HSPA5: variants seen among roughly 807,000 people sequenced by gnomAD.
HSPA5 encodes endoplasmic reticulum chaperone BiP.
Under a neutral mutation model 49.5 loss-of-function variants are expected in HSPA5, and 16 were observed. That is an observed-to-expected ratio of 0.32 (90% CI 0.22 to 0.49). The LOEUF is 0.49. Among genes scored for constraint, HSPA5 ranks in the 20% least tolerant of loss-of-function variants. HSPA5 has a pLI of 0.99. For synonymous variants in HSPA5, 271 were observed against 307.2 expected (o/e 0.88, Z 1.23); for missense variants, 376 against 819.0 (o/e 0.46, Z 6.60).
Position 125,239,553 on chromosome 9 carries a change from T to G in HSPA5, c.493-20A>C. 6.4e-7 allele frequency: 1 copy of G among 1,553,122 alleles called. No homozygotes were observed. Among genetic ancestry groups the G allele is most frequent in the Non-Finnish European group, 8.9e-7 (1 of 1,124,734 alleles). ...GGTAACCTAAAAGGATAAAAGATAA[T>G]TAAGTGTATTGTCACATAGTTTAAC... On this transcript the variant is annotated intron_variant, in intron 3 of 7. Transcript: ENST00000324460. This position sits in a 1 kb window ranked among gnomAD's most constrained non-coding sequence, Gnocchi z 5.5.
rs1832497301 is a variant in HSPA5 at position 125,236,523 on chromosome 9, T to C, written c.*69A>G. ...CAATTACATTCGAGACTTAAGTTCT[T>C]TCAATTTTTTCCTAACAAAAGTTCC... On this transcript the variant is annotated 3_prime_UTR_variant, in exon 8 of 8. Coordinates refer to ENST00000324460, the MANE Select transcript of HSPA5 (RefSeq NM_005347.5). 4 of 1,133,696 alleles carry C rather than the reference T, an allele frequency of 3.5e-6. No homozygotes were observed. Among genetic ancestry groups the C allele is most frequent in the Admixed American group, 5.2e-5 (2 of 38,272 alleles). The allele number at this position is 1,133,696 out of a possible 1,614,324, so 70.2% of individuals were successfully genotyped here. A position where few individuals can be genotyped will look rare whatever the true frequency, so the allele number is the denominator to read the frequency against.
In HSPA5 at chr9:125,239,541, G is replaced by GA; in HGVS notation, c.493-9dup. Reference sequence around the variant, plus strand: ...AACAACTGCATGGGTAACCTAAAAGGATAAAAGATAATTAAGTGTATTGTC... The same window carrying GA: ...AACAACTGCATGGGTAACCTAAAAGGAATAAAAGATAATTAAGTGTATTGTC... On this transcript the variant is annotated splice_polypyrimidine_tract_variant and intron_variant, in intron 3 of 7. Coordinates refer to ENST00000324460, the MANE Select transcript of HSPA5 (RefSeq NM_005347.5). The surrounding 1 kb of genome is among the most constrained non-coding windows in gnomAD (Gnocchi z 5.5). 6.3e-7 allele frequency: 1 copy of GA among 1,582,692 alleles called. No homozygotes were observed.
Position 125,235,494 on chromosome 9 carries a change from A to G in HSPA5, c.*1098T>C, listed in dbSNP as rs1832476195. The stretch of plus-strand genomic sequence containing the variant: ...GGATTACAATATTGGATTTTATGTT[A>G]GCACCAGCCTGTCCTTTATTGATCA... On this transcript the variant is annotated 3_prime_UTR_variant, in exon 8 of 8. Transcript: ENST00000324460. The G allele has an allele frequency of 6.6e-6, 1 of 152,046 alleles. No individual in the cohort carries two copies. Among genetic ancestry groups the G allele is most frequent in the South Asian group, 2.1e-4 (1 of 4,822 alleles). 9.4% of individuals were successfully genotyped at this position (152,046 alleles called of 1,614,324 possible).
chr9:125,238,738 A>G lies in HSPA5; in HGVS notation c.1086T>C (p.Val362=), dbSNP rs1454318558. The part of the protein sequence containing the change: ...KKSDIDEIVL[V]GGSTRIPKIQ... ...TCTTTGGAATTCGAGTCGAGCCACC[A>G]ACAAGAACAATTTCATCAATATCAG... The change falls in exon 6 of 8, where the codon GTT becomes GTC. Residue 362 remains valine, a synonymous_variant. Coordinates refer to ENST00000324460, the MANE Select transcript of HSPA5 (RefSeq NM_005347.5). 2 of 1,614,220 alleles carry G rather than the reference A, an allele frequency of 1.2e-6. No homozygotes were observed. Among genetic ancestry groups the G allele is most frequent in the African/African-American group, 2.7e-5 (2 of 75,058 alleles).
chr9:125,239,007 C>G lies in HSPA5; in HGVS notation c.930G>C (p.Glu310Asp). Residue 310 changes from glutamate to aspartate, a missense_variant, in exon 5 of 8, where the codon GAG becomes GAC. Glu to Asp is a conservative substitution (Grantham distance 45). Coordinates refer to ENST00000324460, the MANE Select transcript of HSPA5 (RefSeq NM_005347.5). This position sits in a 1 kb window ranked among gnomAD's most constrained non-coding sequence, Gnocchi z 5.5. ...SSQHQARIEI[E>D]SFYEGEDFSE... The stretch of plus-strand genomic sequence containing the variant: ...AAAAGTCTTCTCCTTCATAGAAGGA[C>G]TCAATTTCAATTCTTGCTTGATGCT... 6.2e-7 allele frequency: 1 copy of G among 1,614,042 alleles called. No homozygotes were observed. Among genetic ancestry groups the G allele is most frequent in the Non-Finnish European group, 8.5e-7 (1 of 1,179,966 alleles).
chr9:125,241,237 C>T lies in HSPA5; in HGVS notation c.-111G>A, dbSNP rs1832562062. On this transcript the variant is annotated 5_prime_UTR_variant, in exon 1 of 8. The change creates a new upstream start codon in the 5' untranslated region. Coordinates refer to ENST00000324460, the MANE Select transcript of HSPA5 (RefSeq NM_005347.5). ...AGGGGCCCGGGGTCACAAGGCGCCA[C>T]GAACCAGGCGAAGGGCAGGTCTAGA... The T allele has an allele frequency of 2.3e-6, 3 of 1,311,880 alleles. No individual in the cohort carries two copies. The highest frequency in any genetic ancestry group is 2.2e-5 in the Admixed American group (1 of 44,786). The allele number at this position is 1,311,880 out of a possible 1,614,324, so 81.3% of individuals were successfully genotyped here.
chr9:125,240,611 T>G lies in HSPA5; in HGVS notation c.354+65A>C. The G allele has an allele frequency of 1.5e-6, 2 of 1,348,182 alleles. No individual in the cohort carries two copies. The highest frequency in any genetic ancestry group is 2.1e-6 in the Non-Finnish European group (2 of 948,274). 83.5% of individuals were successfully genotyped at this position (1,348,182 alleles called of 1,614,324 possible). A position where few individuals can be genotyped will look rare whatever the true frequency, so the allele number is the denominator to read the frequency against. On this transcript the variant is annotated intron_variant, in intron 2 of 7. Coordinates refer to ENST00000324460, the MANE Select transcript of HSPA5 (RefSeq NM_005347.5). The surrounding 1 kb of genome is among the most constrained non-coding windows in gnomAD (Gnocchi z 4.4). ...GTTGTCTCAACACTTTTCCAGAGAC[T>G]TATAACTCTAAATACTCCCACCACC...
At position 125,241,299 on chromosome 9, in the gene HSPA5, A is replaced by C; in HGVS notation, c.-173T>G. 1 of 697,420 alleles carries C rather than the reference A, an allele frequency of 1.4e-6. No homozygotes were observed. The highest frequency in any genetic ancestry group is 2.4e-6 in the Non-Finnish European group (1 of 423,526). 43.2% of individuals were successfully genotyped at this position (697,420 alleles called of 1,614,324 possible). A position where few individuals can be genotyped will look rare whatever the true frequency, so the allele number is the denominator to read the frequency against. ...CGGCGCTTCCCTCTCACACTCGCGA[A>C]ACACCCCAATAGGTCAATCTGTCTG... is the stretch of plus-strand genomic sequence containing the variant. On this transcript the variant is annotated 5_prime_UTR_variant, in exon 1 of 8. Coordinates refer to ENST00000324460, the MANE Select transcript of HSPA5 (RefSeq NM_005347.5).
Position 125,240,171 on chromosome 9 carries a change from C to T in HSPA5, c.492+1G>A. 6.3e-7 allele frequency: 1 copy of T among 1,589,850 alleles called. No individual in the cohort carries two copies. Among genetic ancestry groups the T allele is most frequent in the Non-Finnish European group, 8.5e-7 (1 of 1,171,256 alleles). On this transcript the variant is annotated splice_donor_variant, in intron 3 of 7. Coordinates refer to ENST00000324460, the MANE Select transcript of HSPA5 (RefSeq NM_005347.5). LOFTEE classifies it high-confidence loss of function. This position sits in a 1 kb window ranked among gnomAD's most constrained non-coding sequence, Gnocchi z 4.4. Reference sequence around the variant, plus strand: ...CTTAACATTGTTCTAGAAATATTTACCTTCTTTCCCAAATAAGCCTCAGCG... The same window carrying T: ...CTTAACATTGTTCTAGAAATATTTATCTTCTTTCCCAAATAAGCCTCAGCG...
In HSPA5 at chr9:125,239,301, A is replaced by G. The variant is rs774742342; in HGVS notation, c.636T>C (p.Asp212=). 6.2e-7 allele frequency: 1 copy of G among 1,613,464 alleles called. No individual in the cohort carries two copies. Among genetic ancestry groups the G allele is most frequent in the Non-Finnish European group, 8.5e-7 (1 of 1,179,510 alleles). Reference sequence around the variant, plus strand: ...GGATGTTCTTCTCCCCCTCCCTCTTATCCAGGCCATAAGCAATAGCAGCTG... The same window carrying G: ...GGATGTTCTTCTCCCCCTCCCTCTTGTCCAGGCCATAAGCAATAGCAGCTG... ...PTAAAIAYGL[D]KREGEKNILV... is the part of the protein sequence containing the mutation. The change falls in exon 5 of 8, where the codon GAT becomes GAC. Residue 212 remains aspartate, a synonymous_variant. Transcript: ENST00000324460. This position sits in a 1 kb window ranked among gnomAD's most constrained non-coding sequence, Gnocchi z 5.5.
In HSPA5 at chr9:125,241,328, T is replaced by C. The variant is rs534769309; in HGVS notation, c.-202A>G. 37 of 611,788 alleles carry C rather than the reference T, an allele frequency of 6.0e-5. No individual in the cohort carries two copies. Among genetic ancestry groups the C allele is most frequent in the Middle Eastern group, 4.4e-4 (1 of 2,248 alleles). 37.9% of individuals were successfully genotyped at this position (611,788 alleles called of 1,614,324 possible). A position where few individuals can be genotyped will look rare whatever the true frequency, so the allele number is the denominator to read the frequency against. On this transcript the variant is annotated 5_prime_UTR_variant, in exon 1 of 8. Transcript: ENST00000324460. ...CCCCAATAGGTCAATCTGTCTGTGCTGTCTTGGCCGGCGTCGACCTCACCG... is the reference window on the plus strand; with the variant it reads ...CCCCAATAGGTCAATCTGTCTGTGCCGTCTTGGCCGGCGTCGACCTCACCG...
At chr9:125,238,474 C>A (rs1053540900) in intron 6 of HSPA5, 116 bp downstream of exon 6, 2 of 995,244 alleles carry the variant, frequency 2.0e-6, no homozygotes, top group South Asian at 1.5e-5. Flanking sequence ...TCACTTATAC[C>A]CTTTACTAGC....
At chr9:125,238,101 CA>C (rs201415298) in intron 7 of HSPA5, 39 bp downstream of exon 7, 457 of 1,502,682 alleles carry the variant, frequency 3.0e-4, no homozygotes, top group Middle Eastern at 4.7e-4. Flanking sequence ...GACTTCATCT[CA>C]AAAAAAAAGC....
chr9:125,237,219 C>A, intron 7 of HSPA5, 65 bp from the exon 8 acceptor site: 1 of 1,164,796 alleles, frequency 8.6e-7, no homozygotes, highest in South Asian at 1.5e-5. Context: ...TCTAGATCCC[C>A]GCATTTCAGT....
chr9:125,237,765 C>G (rs962181305), intron 7 of HSPA5, among the ~76,000 whole-genome samples: 1 of 151,962 alleles, frequency 6.6e-6, no homozygotes, highest in Non-Finnish European at 1.5e-5. Context: ...AGTTCCCTAG[C>G]CATTTCAATA....
rs937857230 is a variant in HSPA5 at position 125,237,238 on chromosome 9, T to C, written c.1403-84A>G. The C allele has an allele frequency of 2.0e-5, 20 of 1,006,364 alleles. No homozygotes were observed. The African/African-American group carries it at 2.3e-4, about 11-fold the overall frequency. 62.3% of individuals were successfully genotyped at this position (1,006,364 alleles called of 1,614,324 possible). A position where few individuals can be genotyped will look rare whatever the true frequency, so the allele number is the denominator to read the frequency against. On this transcript the variant is annotated intron_variant, in intron 7 of 7. Coordinates refer to ENST00000324460, the MANE Select transcript of HSPA5 (RefSeq NM_005347.5). ...GATCCCCGCATTTCAGTCTGAAGCA[T>C]AAAGTGACACTTTTGGTTTTATCGA...
In HSPA5 at chr9:125,240,532, A is replaced by G; in HGVS notation, c.354+144T>C. ...CGACAGCAACTGTCTTAAGTTTTGT[A>G]ACATACTAATAGTATTAAAGTTATT... On this transcript the variant is annotated intron_variant, in intron 2 of 7. Transcript: ENST00000324460. This position sits in a 1 kb window ranked among gnomAD's most constrained non-coding sequence, Gnocchi z 4.4. 1.3e-6 allele frequency: 1 copy of G among 742,476 alleles called. No homozygotes were observed. The highest frequency in any genetic ancestry group is 2.7e-5 in the East Asian group (1 of 37,544). 46.0% of individuals were successfully genotyped at this position (742,476 alleles called of 1,614,324 possible). A position where few individuals can be genotyped will look rare whatever the true frequency, so the allele number is the denominator to read the frequency against.
At chr9:125,237,184 GTTGT>G in intron 7 of HSPA5, 30 bp from the exon 8 acceptor site, 9 of 1,504,818 alleles carry the variant, frequency 6.0e-6, no homozygotes, top group Non-Finnish European at 7.3e-6. Flanking sequence ...AAACTTGTTA[GTTGT>G]TACTGACAAG....
At position 125,240,248 on chromosome 9, in the gene HSPA5, G is replaced by A. The variant is rs755130497; in HGVS notation, c.416C>T (p.Thr139Ile). The change falls in exon 3 of 8, where the codon ACA becomes ATA. Residue 139 changes from threonine to isoleucine, a missense_variant. By Grantham distance (89) the Thr-to-Ile change is moderately conservative. Around this residue, in one of 8 missense-constraint regions of HSPA5, gnomAD observed 89 missense variants for 200.0 expected, o/e 0.44. Transcript: ENST00000324460. This position sits in a 1 kb window ranked among gnomAD's most constrained non-coding sequence, Gnocchi z 4.4. ...QVDIGGGQTK[T>I]FAPEEISAMV... ...GGCAGAAATTTCTTCAGGAGCAAATGTCTTTGTTTGCCCACCTCCAATATC... is the reference window on the plus strand; with the variant it reads ...GGCAGAAATTTCTTCAGGAGCAAATATCTTTGTTTGCCCACCTCCAATATC... 9 of 1,610,932 alleles carry A rather than the reference G, an allele frequency of 5.6e-6. No homozygotes were observed. The highest frequency in any genetic ancestry group is 3.4e-6 in the Non-Finnish European group (4 of 1,177,494).
Sources: allele counts gnomAD v4.1 joint callset (sites outside exome capture counted in the v4.1 genomes callset), GRCh38; gene constraint gnomAD v4.1.1; regional missense constraint gnomAD v4.1.1; non-coding constraint Gnocchi (gnomAD v3.1); transcripts MANE v1.5; gene names NCBI Gene and HGNC (gene_info 2026-07-23, HGNC 2026-07-21).